TOX3: variants seen among roughly 807,000 people sequenced by gnomAD.
The protein encoded by TOX3 is TOX high mobility group box family member 3.
A neutral mutation model predicts 64.3 loss-of-function variants in TOX3; 22 were observed. The ratio of observed to expected loss-of-function variants is 0.34; its 90% CI spans 0.24 to 0.49. The LOEUF is 0.49. Ranked by LOEUF, TOX3 falls within the 20% of genes least tolerant of loss-of-function variation. The probability of loss-of-function intolerance (pLI) is 0.99; values close to 1 mark genes in which losing one functional copy is unlikely to be tolerated. For missense variants in TOX3, 661 were observed against 714.4 expected (o/e 0.93, Z 0.85); for synonymous variants, 291 against 273.6 (o/e 1.06, Z -0.63).
intron 6 of TOX3, among the ~76,000 whole-genome samples, chr16:52,443,037 C>T (rs974431401): frequency 2.0e-5 from 3 of 152,248 alleles, no homozygotes; most frequent in Non-Finnish European, 2.9e-5. Context: ...AATCCATATA[C>T]GGTCAATTAT....
At chr16:52,500,509 G>C (rs1961973224) in intron 1 of TOX3, among the ~76,000 whole-genome samples, 1 of 152,164 alleles carries the variant, frequency 6.6e-6, no homozygotes, top group Non-Finnish European at 1.5e-5. Flanking sequence ...TACCACAGAA[G>C]TATTCCAAGA....
chr16:52,510,837 C>T (rs917936111), intron 1 of TOX3, among the ~76,000 whole-genome samples: 14 of 147,388 alleles, frequency 9.5e-5, no homozygotes, highest in Non-Finnish European at 1.6e-4. Context: ...CTAAAATGAA[C>T]TAACTGGGGA....
Position 52,441,116 on chromosome 16 carries a change from T to A in TOX3, c.988-1148A>T, listed in dbSNP as rs546113908. On this transcript the variant is annotated intron_variant, in intron 6 of 6. Coordinates refer to ENST00000219746, the MANE Select transcript of TOX3 (RefSeq NM_001080430.4). Reference sequence around the variant, plus strand: ...GTTGTGAGAATTAAATGAACTCACATGTTAAGCATTTAGGAAAGCGCCTGG... The same window carrying A: ...GTTGTGAGAATTAAATGAACTCACAAGTTAAGCATTTAGGAAAGCGCCTGG... Among the ~76,000 whole-genome samples, 293 of 152,254 alleles carry A rather than the reference T, an allele frequency of 1.9e-3. 3 individuals are homozygous for A. The highest frequency in any genetic ancestry group is 6.7e-3 in the African/African-American group (278 of 41,558).
intron 1 of TOX3, among the ~76,000 whole-genome samples, chr16:52,477,070 T>C (rs1293125973): frequency 1.3e-5 from 2 of 152,166 alleles, no homozygotes; most frequent in Non-Finnish European, 2.9e-5. Context: ...AATGATCCCA[T>C]CATCTAGGTA....
rs768610518 is a variant in TOX3 at position 52,436,465 on chromosome 16, C to A, written c.*2760G>T. On this transcript the variant is annotated 3_prime_UTR_variant, in exon 7 of 7. Transcript: ENST00000219746. The stretch of plus-strand genomic sequence containing the variant: ...TTCTGACCTGTAACAAAAGAAAAAG[C>A]GCACCAAGTACTTACTTAAGTCTCA... Among the ~76,000 whole-genome samples the A allele has an allele frequency of 1.3e-5, 2 of 152,004 alleles. No homozygotes were observed. The highest frequency in any genetic ancestry group is 2.9e-5 in the Non-Finnish European group (2 of 67,998).
At chr16:52,493,194 T>C (rs1379099853) in intron 1 of TOX3, among the ~76,000 whole-genome samples, 1 of 152,178 alleles carries the variant, frequency 6.6e-6, no homozygotes, top group Non-Finnish European at 1.5e-5. Flanking sequence ...TTCAAGGAAC[T>C]TTCACAGAAT....
Position 52,468,505 on chromosome 16 carries a change from C to A in TOX3, c.153+4G>T, listed in dbSNP as rs1386519299. 6.2e-7 allele frequency: 1 copy of A among 1,612,490 alleles called. No homozygotes were observed. The highest frequency in any genetic ancestry group is 1.3e-5 in the African/African-American group (1 of 74,968). On this transcript the variant is annotated splice_donor_region_variant and intron_variant, in intron 2 of 6. Transcript: ENST00000219746. The stretch of plus-strand genomic sequence containing the variant: ...GGAACAAACACATTAAGACAGTCAC[C>A]TACCTCACTGGCAGCGAAGAACGCA...
chr16:52,463,909 T>G (rs1278571492), intron 3 of TOX3, 25 bp downstream of exon 3: 14 of 1,482,002 alleles, frequency 9.4e-6, no homozygotes, highest in African/African-American at 1.4e-5. Flanking sequence ...TAAAAAATAA[T>G]TTAAGTAATA....
chr16:52,544,110 CAT>C (rs1963128160), intron 1 of TOX3, among the ~76,000 whole-genome samples: 1 of 152,148 alleles, frequency 6.6e-6, no homozygotes, highest in Admixed American at 6.5e-5. Flanking sequence ...AAAGATAATA[CAT>C]GTCATCAAAA....
intron 1 of TOX3, among the ~76,000 whole-genome samples, chr16:52,505,462 CTGAT>C (rs1248215503): frequency 6.6e-6 from 1 of 152,150 alleles, no homozygotes; most frequent in East Asian, 1.9e-4. Context: ...ATTAAACAAA[CTGAT>C]TGACAATTCG....
At chr16:52,467,173 C>T (rs764377456) in intron 2 of TOX3, among the ~76,000 whole-genome samples, 6 of 152,192 alleles carry the variant, frequency 3.9e-5, no homozygotes, top group South Asian at 2.1e-4. Context: ...ATGTCTGACA[C>T]GGTGAATTAT....
rs544412896 is a variant in TOX3, at chr16:52,480,323, A to G, written c.88-11749T>C. Among the ~76,000 whole-genome samples, 10 of 152,332 alleles carry G rather than the reference A, an allele frequency of 6.6e-5. No individual in the cohort carries two copies. In the East Asian group the frequency reaches 1.9e-3, roughly 29 times the overall value. ...CTGTCAAGCCTTAAAACAAAATAGA[A>G]ATAAAAAGTCATGTAAGATAAAATC... On this transcript the variant is annotated intron_variant, in intron 1 of 6. Coordinates refer to ENST00000219746, the MANE Select transcript of TOX3 (RefSeq NM_001080430.4).
chr16:52,492,877 G>A (rs1487533382), intron 1 of TOX3, among the ~76,000 whole-genome samples: 2 of 148,800 alleles, frequency 1.3e-5, no homozygotes, highest in African/African-American at 5.0e-5. Context: ...GAGGCACAAG[G>A]TAGATCAGAA....
At chr16:52,506,247 G>A (rs1418787591) in intron 1 of TOX3, among the ~76,000 whole-genome samples, 1 of 152,136 alleles carries the variant, frequency 6.6e-6, no homozygotes, top group Non-Finnish European at 1.5e-5. Context: ...CTGAAACACA[G>A]CAAAATGCTC....
intron 1 of TOX3, among the ~76,000 whole-genome samples, chr16:52,472,279 G>A (rs1376388933): frequency 1.3e-5 from 2 of 152,148 alleles, no homozygotes; most frequent in East Asian, 3.9e-4. Context: ...CTTGGATGAA[G>A]CTTACATTTT....
chr16:52,530,675 A>G (rs942159189), intron 1 of TOX3, among the ~76,000 whole-genome samples: 2 of 146,980 alleles, frequency 1.4e-5, no homozygotes, highest in African/African-American at 5.0e-5. Context: ...TTTTTTTTCT[A>G]ACTACACCCT....
At chr16:52,518,880 T>G (rs1962524588) in intron 1 of TOX3, among the ~76,000 whole-genome samples, 1 of 152,248 alleles carries the variant, frequency 6.6e-6, no homozygotes, top group Non-Finnish European at 1.5e-5. Context: ...TTGAATCGTA[T>G]TTCAATAATC....
At chr16:52,543,783 CTCTT>C (rs907898009) in intron 1 of TOX3, among the ~76,000 whole-genome samples, 24 of 152,184 alleles carry the variant, frequency 1.6e-4, no homozygotes, top group African/African-American at 5.8e-4. Context: ...ACCCACAAAA[CTCTT>C]TCATCCATTC....
intron 1 of TOX3, among the ~76,000 whole-genome samples, chr16:52,502,311 C>A (rs1396491976): frequency 6.6e-6 from 1 of 152,154 alleles, no homozygotes; most frequent in Non-Finnish European, 1.5e-5. Flanking sequence ...AGTTTAGTTT[C>A]CATTTCTAAA....
Sources: gnomAD v4.1 joint callset for allele counts (sites outside exome capture counted in the v4.1 genomes callset) on GRCh38, gnomAD v4.1.1 for gene constraint, MANE v1.5 for transcripts, NCBI Gene and HGNC (gene_info 2026-07-23, HGNC 2026-07-21) for gene names.